The following RABGEF1 variants were observed in gnomAD, a reference collection of about 807,000 sequenced individuals.
The protein encoded by RABGEF1 is rab5 GDP/GTP exchange factor.
RABGEF1 carries 26 observed loss-of-function variants against 57.3 expected under a neutral mutation model. The ratio of observed to expected loss-of-function variants is 0.45; its 90% CI spans 0.33 to 0.63. The LOEUF is 0.63. Among genes scored for constraint, RABGEF1 ranks in the 20% least tolerant of loss-of-function variants. RABGEF1 has a pLI of 0.02. For synonymous variants in RABGEF1, 185 were observed against 210.7 expected (o/e 0.88, Z 1.06); for missense variants, 464 against 607.6 (o/e 0.76, Z 2.48).
chr7:66,762,145 A>G (rs1371469959), intron 1 of RABGEF1, among the ~76,000 whole-genome samples: 2 of 152,210 alleles, frequency 1.3e-5, no homozygotes, highest in East Asian at 1.9e-4. Flanking sequence ...GAAAACCAAT[A>G]TATATTATAA....
intron 1 of RABGEF1, among the ~76,000 whole-genome samples, chr7:66,687,483 CAA>C (rs67647811): frequency 0.54 from 65,129 of 120,606 alleles, 15,634 homozygotes; most frequent in Middle Eastern, 0.69. Context: ...TTGTTTAAGC[CAA>C]AAAAAAAAAA....
chr7:66,655,692 C>T, the RABGEF1 span, among the ~76,000 whole-genome samples: 1 of 152,040 alleles, frequency 6.6e-6, no homozygotes, highest in Admixed American at 6.6e-5. Flanking sequence ...AGAGTCCGTT[C>T]CTTAAAATTG....
At chr7:66,762,441 C>T (rs949087116) in intron 1 of RABGEF1, among the ~76,000 whole-genome samples, 2 of 151,824 alleles carry the variant, frequency 1.3e-5, no homozygotes, top group African/African-American at 4.8e-5. Context: ...AAATACAAAA[C>T]TTAGCCAGGC....
At chr7:66,796,883 C>T (rs1309681091) in intron 5 of RABGEF1, 4 of 445,954 alleles carry the variant, frequency 9.0e-6, no homozygotes, top group Admixed American at 2.4e-5. Context: ...AGAGCCACCG[C>T]ACCCAGCTGG....
intron 4 of RABGEF1, among the ~76,000 whole-genome samples, chr7:66,791,075 T>C (rs1053038440): frequency 1.3e-5 from 2 of 152,208 alleles, no homozygotes; most frequent in Non-Finnish European, 2.9e-5. Context: ...GGTTGAAACA[T>C]TTCTTACGCT....
Position 66,773,603 on chromosome 7 carries a change from C to T in RABGEF1, c.179+1525C>T, listed in dbSNP as rs191306390. 42 of 446,566 alleles carry T rather than the reference C, an allele frequency of 9.4e-5. No homozygotes were observed. In the East Asian group the frequency reaches 1.5e-3, roughly 16 times the overall value. The allele number at this position is 446,566 out of a possible 1,614,324, so 27.7% of individuals were successfully genotyped here. A position where few individuals can be genotyped will look rare whatever the true frequency, so the allele number is the denominator to read the frequency against. On this transcript the variant is annotated intron_variant, in intron 2 of 8. Transcript: ENST00000284957. ...TCTGACAAGTTGCCTGGTGATGCTG[C>T]GCTGCTGTCTGGGGAATCATACTTG...
Position 66,741,005 on chromosome 7 carries a change from T to G in RABGEF1, c.-18+213T>G, listed in dbSNP as rs546231588. ...CCGTTCCAGGCCGCCCTCGGCTCCC[T>G]TAATCCTCAGAGTGCGGCCTCTCCG... On this transcript the variant is annotated intron_variant, in intron 1 of 8. Coordinates refer to ENST00000284957, the MANE Select transcript of RABGEF1 (RefSeq NM_014504.3). Among the ~76,000 whole-genome samples the G allele has an allele frequency of 2.3e-3, 343 of 152,250 alleles. 2 individuals are homozygous for G. Among genetic ancestry groups the G allele is most frequent in the Non-Finnish European group, 3.9e-3 (265 of 67,996 alleles).
intron 7 of RABGEF1, among the ~76,000 whole-genome samples, chr7:66,804,876 G>C (rs1180681138): frequency 1.3e-5 from 2 of 151,968 alleles, no homozygotes; most frequent in Non-Finnish European, 2.9e-5. Context: ...TCCCTAAAAT[G>C]GATAATATTA....
At chr7:66,750,148 C>T (rs1801095399) in intron 1 of RABGEF1, among the ~76,000 whole-genome samples, 1 of 152,016 alleles carries the variant, frequency 6.6e-6, no homozygotes, top group African/African-American at 2.4e-5. Context: ...TAGATTTTGT[C>T]TGATGAGAGT....
At chr7:66,666,931 G>A in the RABGEF1 span, among the ~76,000 whole-genome samples, 5,582 of 152,268 alleles carry the variant, frequency 0.037, 160 homozygotes, top group East Asian at 0.087. Flanking sequence ...TAGGGAGCTG[G>A]CCTCAGGCAG....
chr7:66,729,854 A>G (rs1408526809), intron 2 of RABGEF1, among the ~76,000 whole-genome samples: 3 of 152,244 alleles, frequency 2.0e-5, no homozygotes, highest in Non-Finnish European at 2.9e-5. Flanking sequence ...TTGCATGGCA[A>G]TGACAGCAAA....
intron 4 of RABGEF1, among the ~76,000 whole-genome samples, chr7:66,787,101 A>G (rs1486486685): frequency 1.3e-5 from 2 of 151,870 alleles, no homozygotes; most frequent in Non-Finnish European, 2.9e-5. Flanking sequence ...ATCTCTGCTC[A>G]TTGCAGCCTT....
intron 4 of RABGEF1, among the ~76,000 whole-genome samples, chr7:66,785,039 A>G (rs1387835860): frequency 2.6e-5 from 4 of 152,222 alleles, no homozygotes; most frequent in Non-Finnish European, 5.9e-5. Context: ...ATACTGTAGT[A>G]CATATAGCAT....
At chr7:66,675,712 C>A in the RABGEF1 span, among the ~76,000 whole-genome samples, 3 of 152,126 alleles carry the variant, frequency 2.0e-5, no homozygotes, top group African/African-American at 7.2e-5. Flanking sequence ...ACTGTTAGAA[C>A]TAATAAATTC....
chr7:66,693,059 C>T (rs553573310), intron 1 of RABGEF1, among the ~76,000 whole-genome samples: 45 of 152,282 alleles, frequency 3.0e-4, no homozygotes, highest in Non-Finnish European at 4.0e-4. Flanking sequence ...CGGCTGGTCC[C>T]GTGGCCTTCA....
At chr7:66,753,330 G>T (rs1055490831) in intron 1 of RABGEF1, among the ~76,000 whole-genome samples, 1 of 152,192 alleles carries the variant, frequency 6.6e-6, no homozygotes, top group African/African-American at 2.4e-5. Flanking sequence ...AACAGGTGTT[G>T]CTGTGAACCC....
At chr7:66,683,366 G>A (rs1296902271) in intron 1 of RABGEF1, among the ~76,000 whole-genome samples, 1 of 152,186 alleles carries the variant, frequency 6.6e-6, no homozygotes, top group Non-Finnish European at 1.5e-5. Context: ...AACATTTAAT[G>A]ATAAATAACA....
intron 1 of RABGEF1, among the ~76,000 whole-genome samples, chr7:66,706,059 C>T (rs983557846): frequency 1.5e-4 from 22 of 150,708 alleles, no homozygotes; most frequent in Non-Finnish European, 2.4e-4. Flanking sequence ...CCCGCCACCG[C>T]GCCCGGCTAA....
intron 2 of RABGEF1, among the ~76,000 whole-genome samples, chr7:66,713,765 C>T (rs765676196): frequency 9.9e-5 from 15 of 152,162 alleles, no homozygotes; most frequent in Non-Finnish European, 1.9e-4. Context: ...GCATATGATA[C>T]ATTGATACGT....
Sources: gnomAD v4.1 joint callset for allele counts (sites outside exome capture counted in the v4.1 genomes callset) on GRCh38, gnomAD v4.1.1 for gene constraint, MANE v1.5 for transcripts, NCBI Gene and HGNC (gene_info 2026-07-23, HGNC 2026-07-21) for gene names.